ECT2: variants seen among roughly 807,000 people sequenced by gnomAD.
ECT2 encodes protein ECT2.
A neutral mutation model predicts 116.9 loss-of-function variants in ECT2; 61 were observed. That is an observed-to-expected ratio of 0.52 (90% CI 0.42 to 0.65). The LOEUF (loss-of-function observed/expected upper bound fraction) is 0.65. ECT2 is among the 30% of genes least tolerant of loss of function. The pLI is 0.00. For synonymous variants in ECT2, 358 were observed against 346.4 expected, an observed-to-expected ratio of 1.03 and a Z score of -0.37; for missense variants, 937 against 1,078.7, an observed-to-expected ratio of 0.87 and a Z score of 1.84.
chr3:172,783,866 T>A lies in ECT2; in HGVS notation c.1685T>A (p.Ile562Asn). ...TTTGAAATGAGCAAGGAAACAATTA[T>A]TAAATGTGAAAAACAGAAACCAAGA... is the stretch of plus-strand genomic sequence containing the variant. The part of the protein sequence containing the change: ...NFFEMSKETI[I>N]KCEKQKPRFH... Residue 562 changes from isoleucine (I) to asparagine (N), a missense_variant, in exon 16 of 25, where the codon ATT (isoleucine) becomes AAT (asparagine). Ile to Asn is a moderately radical substitution (Grantham distance 149, BLOSUM62 -3). Transcript: ENST00000392692. The A allele has an allele frequency of 5.0e-6, 8 of 1,606,714 alleles. No homozygotes were observed. The highest frequency in any genetic ancestry group is 6.8e-6 in the Non-Finnish European group (8 of 1,176,884).
intron 1 of ECT2, among the ~76,000 whole-genome samples, chr3:172,752,623 T>C (rs1462185941): frequency 6.6e-6 from 1 of 152,116 alleles, no homozygotes; most frequent in African/African-American, 2.4e-5. Flanking sequence ...TGATTCTAAA[T>C]TAAGGCTGTT....
chr3:172,806,930 A>C (rs1164709849), intron 21 of ECT2, among the ~76,000 whole-genome samples: 2 of 152,090 alleles, frequency 1.3e-5, no homozygotes, highest in African/African-American at 2.4e-5. Context: ...GGTATGAGCC[A>C]CTGCACCCCG....
intron 18 of ECT2, among the ~76,000 whole-genome samples, chr3:172,798,106 A>T (rs1726061990): frequency 6.6e-6 from 1 of 152,190 alleles, no homozygotes; most frequent in African/African-American, 2.4e-5. Context: ...GAGAGATATT[A>T]AATTATTAGG....
intron 7 of ECT2, among the ~76,000 whole-genome samples, chr3:172,761,403 C>T (rs1038955654): frequency 2.0e-5 from 3 of 152,070 alleles, no homozygotes; most frequent in African/African-American, 7.2e-5. Context: ...AATAAGGAAA[C>T]AGTTCGGACA....
intron 15 of ECT2, among the ~76,000 whole-genome samples, chr3:172,783,568 T>TC (rs1436365933): frequency 2.0e-5 from 3 of 152,172 alleles, no homozygotes; most frequent in Non-Finnish European, 4.4e-5. Flanking sequence ...TTGTTTTTTT[T>TC]CTGAGTCTTC....
At chr3:172,779,427 AT>A (rs756613932) in intron 14 of ECT2, among the ~76,000 whole-genome samples, 3 of 152,114 alleles carry the variant, frequency 2.0e-5, no homozygotes, top group Non-Finnish European at 4.4e-5. Flanking sequence ...CTTTACTGTA[AT>A]TCTTAAATTT....
At chr3:172,804,568 G>A (rs961407714) in intron 20 of ECT2, among the ~76,000 whole-genome samples, 1 of 152,164 alleles carries the variant, frequency 6.6e-6, no homozygotes, top group African/African-American at 2.4e-5. Flanking sequence ...GGGTTTTACT[G>A]TATATAGTTT....
At chr3:172,810,876 C>G (rs1728647393) in intron 22 of ECT2, among the ~76,000 whole-genome samples, 1 of 152,140 alleles carries the variant, frequency 6.6e-6, no homozygotes, top group African/African-American at 2.4e-5. Context: ...AGATTGACTA[C>G]TACTTTTTAA....
At position 172,764,287 on chromosome 3, in the gene ECT2, C is replaced by A; in HGVS notation, c.1078C>A (p.Pro360Thr). The A allele has an allele frequency of 1.2e-6, 2 of 1,614,050 alleles. No homozygotes were observed. Among genetic ancestry groups the A allele is most frequent in the South Asian group, 1.1e-5 (1 of 91,068 alleles). Reference sequence around the variant, plus strand: ...GTGCTTTTGATTACAGGCAAATACTCCTGAGCTCAAGAAATCAGTGTCAAT... The same window carrying A: ...GTGCTTTTGATTACAGGCAAATACTACTGAGCTCAAGAAATCAGTGTCAAT... ...TMYLYEKANT[P>T]ELKKSVSMLS... Residue 360 changes from proline (P) to threonine (T), a missense_variant, in exon 12 of 25, where the codon CCT becomes ACT. Transcript: ENST00000392692.
chr3:172,814,398 A>T (rs977190828), intron 22 of ECT2, among the ~76,000 whole-genome samples: 1 of 152,062 alleles, frequency 6.6e-6, no homozygotes, highest in African/African-American at 2.4e-5. Context: ...AGAAGAAACA[A>T]CTTTCACAAG....
intron 14 of ECT2, among the ~76,000 whole-genome samples, chr3:172,775,883 C>T (rs1339832659): frequency 6.6e-6 from 1 of 152,110 alleles, no homozygotes; most frequent in Non-Finnish European, 1.5e-5. Context: ...ATCCGCCCGC[C>T]TCGACCTCCC....
intron 14 of ECT2, among the ~76,000 whole-genome samples, chr3:172,774,529 A>G (rs940378296): frequency 6.6e-6 from 1 of 151,786 alleles, no homozygotes; most frequent in Non-Finnish European, 1.5e-5. Context: ...ATACTCTCTC[A>G]CCCAGGCTAG....
chr3:172,779,871 G>A (rs1416346143), intron 14 of ECT2, among the ~76,000 whole-genome samples: 1 of 147,968 alleles, frequency 6.8e-6, no homozygotes, highest in Admixed American at 6.7e-5. Context: ...ACTCCAGCCT[G>A]AGCAAAAGAG....
chr3:172,819,077 A>G (rs1358509483), intron 24 of ECT2, among the ~76,000 whole-genome samples: 1 of 152,130 alleles, frequency 6.6e-6, no homozygotes, highest in Non-Finnish European at 1.5e-5. Context: ...TCCAAATCTG[A>G]TTCTTAATGT....
chr3:172,751,907 A>G (rs992681740), intron 1 of ECT2, among the ~76,000 whole-genome samples: 3 of 152,196 alleles, frequency 2.0e-5, no homozygotes, highest in African/African-American at 7.2e-5. Flanking sequence ...TAGTTATGTC[A>G]TCAAGTTACC....
At chr3:172,828,105 T>C in the ECT2 span, among the ~76,000 whole-genome samples, 2 of 152,152 alleles carry the variant, frequency 1.3e-5, no homozygotes, top group Non-Finnish European at 2.9e-5. Context: ...AAATACCTTT[T>C]CCTAAAAGAT....
At chr3:172,815,021 T>G (rs1383058978) in intron 22 of ECT2, among the ~76,000 whole-genome samples, 1 of 152,160 alleles carries the variant, frequency 6.6e-6, no homozygotes, top group Non-Finnish European at 1.5e-5. Context: ...AGTAGACTTG[T>G]GGTTATATGA....
chr3:172,784,557 T>C, intron 16 of ECT2, 150 bp from the exon 17 acceptor site: 1 of 587,340 alleles, frequency 1.7e-6, no homozygotes, highest in Non-Finnish European at 3.0e-6. Context: ...TGAAAAATTA[T>C]TCAGCCAAGT....
At chr3:172,798,477 C>G (rs1214732272) in intron 18 of ECT2, among the ~76,000 whole-genome samples, 1 of 152,084 alleles carries the variant, frequency 6.6e-6, no homozygotes, top group Non-Finnish European at 1.5e-5. Context: ...TTCCAAAACT[C>G]TAATTTAAAA....
Sources: allele counts gnomAD v4.1 joint callset (sites outside exome capture counted in the v4.1 genomes callset), GRCh38; gene constraint gnomAD v4.1.1; transcripts MANE v1.5; gene names NCBI Gene and HGNC (gene_info 2026-07-23, HGNC 2026-07-21).